SVOP: variants seen among roughly 807,000 people sequenced by gnomAD.
SVOP encodes the protein SV2 related protein, also known as synaptic vesicle 2-related protein.
Under a neutral mutation model 69.1 loss-of-function variants are expected in SVOP, and 17 were observed. That is an observed-to-expected ratio of 0.25 (90% CI 0.17 to 0.37). SVOP has a LOEUF of 0.37. Ranked by LOEUF, SVOP falls within the 10% of genes least tolerant of loss-of-function variation. The pLI, the probability that SVOP is intolerant of heterozygous loss-of-function variation, is 1.00. For synonymous variants in SVOP, 238 were observed against 238.6 expected (o/e 1.00, Z 0.02); for missense variants, 435 against 597.5 (o/e 0.73, Z 2.84).
intron 7 of SVOP, among the ~76,000 whole-genome samples, chr12:108,941,249 G>T (rs2039889794): frequency 6.6e-6 from 1 of 152,062 alleles, no homozygotes; most frequent in Non-Finnish European, 1.5e-5. Flanking sequence ...CTGTCTTTTT[G>T]TCTTGCTCTG....
intron 11 of SVOP, 147 bp from the exon 12 acceptor site, chr12:108,922,944 G>C (rs1038625282): frequency 7.9e-6 from 5 of 630,390 alleles, no homozygotes; most frequent in African/African-American, 5.5e-5. Context: ...ATTCATGTTT[G>C]AACACCAAGC....
intron 1 of SVOP, among the ~76,000 whole-genome samples, chr12:109,014,050 C>G (rs1272167695): frequency 1.4e-5 from 2 of 140,388 alleles, no homozygotes; most frequent in Non-Finnish European, 3.0e-5. Flanking sequence ...GAGTCCCACT[C>G]TGCTGCCCAG....
intron 5 of SVOP, 139 bp from the exon 6 acceptor site, chr12:108,961,186 T>G (rs887966742): frequency 1.8e-6 from 2 of 1,083,120 alleles, no homozygotes; most frequent in Non-Finnish European, 2.5e-6. Flanking sequence ...TTCCTCTGTA[T>G]GGGGAGTGCC....
intron 11 of SVOP, 110 bp from the exon 12 acceptor site, chr12:108,922,907 A>G (rs1393062124): frequency 1.4e-6 from 1 of 734,532 alleles, no homozygotes; most frequent in East Asian, 2.7e-5. Context: ...GATGCCATAG[A>G]AAGAGCCCAG....
At chr12:108,942,877 G>T (rs139398610) in intron 7 of SVOP, among the ~76,000 whole-genome samples, 19,611 of 152,122 alleles carry the variant, frequency 0.13, 1,476 homozygotes, top group East Asian at 0.31. Context: ...CAATTATCGT[G>T]CCTCAGCCTC....
chr12:108,955,700 G>A (rs36193038), intron 6 of SVOP, among the ~76,000 whole-genome samples: 76,754 of 152,108 alleles, frequency 0.5, 22,958 homozygotes, highest in South Asian at 0.68. Flanking sequence ...TCATTCATCC[G>A]TCATCCATCA....
At chr12:108,973,391 A>ATTTG (rs922824541) in intron 4 of SVOP, among the ~76,000 whole-genome samples, 49 of 151,778 alleles carry the variant, frequency 3.2e-4, no homozygotes, top group African/African-American at 1.1e-3. Flanking sequence ...TAATTTATTT[A>ATTTG]TTTGTTTGTT....
intron 15 of SVOP, 123 bp downstream of exon 15, chr12:108,915,660 T>C (rs1010636983): frequency 1.2e-5 from 12 of 969,896 alleles, no homozygotes; most frequent in Non-Finnish European, 1.8e-5. Flanking sequence ...CTCGGGTGTG[T>C]TGTTATGATA....
chr12:108,938,396 T>C (rs1007036328), intron 9 of SVOP, among the ~76,000 whole-genome samples: 1 of 152,160 alleles, frequency 6.6e-6, no homozygotes, highest in African/African-American at 2.4e-5. Flanking sequence ...GCACCATTCA[T>C]TAAGAACACC....
At chr12:108,939,097 A>G in intron 8 of SVOP, 142 bp from the exon 9 acceptor site, 2 of 1,163,410 alleles carry the variant, frequency 1.7e-6, no homozygotes, top group Non-Finnish European at 1.2e-6. Context: ...TCCTGGCCCC[A>G]CCATTTATTA....
In SVOP at chr12:108,960,910, G is replaced by C; in HGVS notation, c.578+13C>G. 1 of 1,536,694 alleles carries C rather than the reference G, an allele frequency of 6.5e-7. No homozygotes were observed. The highest frequency in any genetic ancestry group is 8.7e-7 in the Non-Finnish European group (1 of 1,146,646). ...CAGCCTGGCTGCATAGCCAGCACTG[G>C]GTATTTACTTACGACTGGGGAACTC... On this transcript the variant is annotated intron_variant, in intron 6 of 15. Coordinates refer to ENST00000610966, the MANE Select transcript of SVOP (RefSeq NM_018711.5).
At chr12:108,982,515 T>A (rs1340148207) in intron 2 of SVOP, among the ~76,000 whole-genome samples, 2 of 151,168 alleles carry the variant, frequency 1.3e-5, no homozygotes, top group African/African-American at 4.9e-5. Flanking sequence ...ATCATCACCA[T>A]CATCACCACC....
intron 12 of SVOP, among the ~76,000 whole-genome samples, chr12:108,920,646 C>T (rs909313625): frequency 5.3e-5 from 7 of 131,420 alleles, no homozygotes; most frequent in Admixed American, 2.0e-4. Context: ...CAGGGTGGGG[C>T]GCAGTGGTGC....
In SVOP at chr12:108,996,203, C is replaced by T. The variant is rs117045135; in HGVS notation, c.36-12442G>A. On this transcript the variant is annotated intron_variant, in intron 1 of 15. Coordinates refer to ENST00000610966, the MANE Select transcript of SVOP (RefSeq NM_018711.5). Reference sequence around the variant, plus strand: ...GAGAACAAAGTGAGACTCTGTTTCTCCAAAAAGAAAAAGTGGTATAGCATG... The same window carrying T: ...GAGAACAAAGTGAGACTCTGTTTCTTCAAAAAGAAAAAGTGGTATAGCATG... Among the ~76,000 whole-genome samples, 40 of 151,950 alleles carry T rather than the reference C, an allele frequency of 2.6e-4. 1 individual carries two copies. The East Asian group carries it at 7.5e-3, about 29-fold the overall frequency.
In SVOP at chr12:108,940,915, A is replaced by G; in HGVS notation, c.643-6T>C. The G allele has an allele frequency of 6.5e-7, 1 of 1,536,450 alleles. No individual in the cohort carries two copies. Among genetic ancestry groups the G allele is most frequent in the South Asian group, 1.2e-5 (1 of 84,028 alleles). ...GTCCCGATGGCCCAGAATACCTGGC[A>G]CAGGAGAATCAGGGTCAGTGGTGGG... On this transcript the variant is annotated splice_region_variant and splice_polypyrimidine_tract_variant and intron_variant, in intron 7 of 15. Coordinates refer to ENST00000610966, the MANE Select transcript of SVOP (RefSeq NM_018711.5).
chr12:108,976,815 A>G (rs1233885009), intron 4 of SVOP, among the ~76,000 whole-genome samples: 1 of 151,912 alleles, frequency 6.6e-6, no homozygotes, highest in Non-Finnish European at 1.5e-5. Context: ...GGGTTTCACC[A>G]TATTGGTCAG....
intron 11 of SVOP, among the ~76,000 whole-genome samples, chr12:108,929,463 C>T (rs746776258): frequency 1.4e-4 from 22 of 152,000 alleles, no homozygotes; most frequent in Non-Finnish European, 2.9e-4. Context: ...GCTGGGACCA[C>T]AGGCATGCGA....
At chr12:108,932,746 A>G (rs1010009385) in intron 11 of SVOP, among the ~76,000 whole-genome samples, 10 of 152,170 alleles carry the variant, frequency 6.6e-5, no homozygotes, top group African/African-American at 1.9e-4. Context: ...ACATTAAAAC[A>G]AAGATCGTAA....
rs957204782 is a variant in SVOP at position 108,937,404 on chromosome 12, C to T, written c.898-67G>A. ...AGATGCACGGGAGATGGGCTGGTGGCCTGAGACTAGTGCACACCAGGCTGG... is the reference window on the plus strand; with the variant it reads ...AGATGCACGGGAGATGGGCTGGTGGTCTGAGACTAGTGCACACCAGGCTGG... On this transcript the variant is annotated intron_variant, in intron 9 of 15. Transcript: ENST00000610966. 33 of 1,487,818 alleles carry T rather than the reference C, an allele frequency of 2.2e-5. No individual in the cohort carries two copies. In the South Asian group the frequency reaches 3.6e-4, roughly 16 times the overall value. 92.2% of individuals were successfully genotyped at this position (1,487,818 alleles called of 1,614,324 possible).
Sources: gnomAD v4.1 joint callset for allele counts (sites outside exome capture counted in the v4.1 genomes callset) on GRCh38, gnomAD v4.1.1 for gene constraint, MANE v1.5 for transcripts, NCBI Gene and HGNC (gene_info 2026-07-23, HGNC 2026-07-21) for gene names.